The following KIF1B variants were observed in gnomAD, a reference collection of about 807,000 sequenced individuals.
KIF1B encodes the protein kinesin-like protein KIF1B.
A neutral mutation model predicts 241.9 loss-of-function variants in KIF1B; 76 were observed. The observed-to-expected ratio is 0.31, with a 90% CI of 0.26 to 0.38. The LOEUF (loss-of-function observed/expected upper bound fraction) is 0.38, where lower values mean the gene tolerates loss of function less well. Among genes scored for constraint, KIF1B ranks in the 10% least tolerant of loss-of-function variants. The pLI, the probability that KIF1B is intolerant of heterozygous loss-of-function variation, is 1.00. For synonymous variants in KIF1B, 750 were observed against 796.7 expected (o/e 0.94, Z 0.99); for missense variants, 1,622 against 2,271.4 (o/e 0.71, Z 5.81).
intron 3 of KIF1B, 152 bp downstream of exon 3, chr1:10,256,475 T>C: frequency 1.5e-6 from 1 of 676,720 alleles, no homozygotes; most frequent in Non-Finnish European, 2.7e-6. Context: ...ATATAGTATT[T>C]TCATTCATAA....
rs763161272 is a variant in KIF1B, at chr1:10,268,257, T to G, written c.714T>G (p.Thr238=). ...KKHDNETNLS[T]EKVSKISLVD... The stretch of plus-strand genomic sequence containing the variant: ...ACGATAATGAGACCAACCTTTCCAC[T>G]GAGAAGGTAGGAGAGTTTCAGTCTC... Residue 238 remains threonine, a synonymous_variant, in exon 7 of 49, where the codon ACT becomes ACG. Coordinates refer to ENST00000676179, the MANE Select transcript of KIF1B (RefSeq NM_001365951.3). 1 of 1,598,968 alleles carries G rather than the reference T, an allele frequency of 6.3e-7. No homozygotes were observed. The highest frequency in any genetic ancestry group is 8.6e-7 in the Non-Finnish European group (1 of 1,166,212).
chr1:10,219,020 A>G (rs957135456), intron 1 of KIF1B, among the ~76,000 whole-genome samples: 1 of 152,198 alleles, frequency 6.6e-6, no homozygotes, highest in Non-Finnish European at 1.5e-5. Flanking sequence ...ATTTGGAAAC[A>G]TGGAATTTAA....
intron 1 of KIF1B, among the ~76,000 whole-genome samples, chr1:10,230,151 G>T (rs1646962039): frequency 1.3e-5 from 2 of 152,112 alleles, no homozygotes; most frequent in Admixed American, 1.3e-4. Context: ...CAGTAGCCTG[G>T]ACGGGTAGGG....
At position 10,375,238 on chromosome 1, in the gene KIF1B, C is replaced by T. The variant is rs1006146098; in HGVS notation, c.5290-17C>T. On this transcript the variant is annotated splice_polypyrimidine_tract_variant and intron_variant, in intron 47 of 48. Coordinates refer to ENST00000676179, the MANE Select transcript of KIF1B (RefSeq NM_001365951.3). ...TCTCTGTAGTAACTTTCTTGTCTAC[C>T]TGCATTTTTCTTTCAGACACCAAAC... The T allele has an allele frequency of 6.2e-7, 1 of 1,603,846 alleles. No individual in the cohort carries two copies. Among genetic ancestry groups the T allele is most frequent in the Non-Finnish European group, 8.5e-7 (1 of 1,170,486 alleles).
rs140229905 is a variant in KIF1B, at chr1:10,343,235, G to A, written c.3636G>A (p.Pro1212=). Reference sequence around the variant, plus strand: ...CTTTGTCTTCCTTTCTTTGCAGTCCGCCTCAGCCGTGCCGCCGATTCTTCC... The same window carrying A: ...CTTTGTCTTCCTTTCTTTGCAGTCCACCTCAGCCGTGCCGCCGATTCTTCC... ...LHLQGQELNS[P]PQPCRRFFPP... is the part of the protein sequence containing the mutation. Residue 1212 remains proline, a synonymous_variant, in exon 34 of 49, where the codon CCG becomes CCA. Transcript: ENST00000676179. 362 of 1,614,070 alleles carry A rather than the reference G, an allele frequency of 2.2e-4. 1 individual carries two copies. In the Middle Eastern group the frequency reaches 2.5e-3, roughly 11 times the overall value.
At chr1:10,290,236 A>G (rs996846799) in intron 15 of KIF1B, among the ~76,000 whole-genome samples, 19 of 152,210 alleles carry the variant, frequency 1.2e-4, no homozygotes, top group East Asian at 1.2e-3. Flanking sequence ...TACATGTGCC[A>G]TGGTGGTTTG....
chr1:10,324,083 G>C, intron 25 of KIF1B, 21 bp downstream of exon 25: 1 of 1,612,598 alleles, frequency 6.2e-7, no homozygotes, highest in Non-Finnish European at 8.5e-7. Flanking sequence ...ATTCATAAAG[G>C]CTGGTTGTTT....
At chr1:10,360,437 C>A (rs2102343989) in intron 38 of KIF1B, among the ~76,000 whole-genome samples, 1 of 152,198 alleles carries the variant, frequency 6.6e-6, no homozygotes, top group East Asian at 1.9e-4. Context: ...GTAATCCCAG[C>A]ACTTTGGGAG....
intron 43 of KIF1B, among the ~76,000 whole-genome samples, chr1:10,368,246 TTTTG>T (rs1259380915): frequency 2.6e-5 from 4 of 152,130 alleles, no homozygotes; most frequent in Non-Finnish European, 5.9e-5. Context: ...TCATTGAGGT[TTTTG>T]TTTGTTTGTT....
At chr1:10,218,190 C>T (rs1646794074) in intron 1 of KIF1B, among the ~76,000 whole-genome samples, 1 of 152,162 alleles carries the variant, frequency 6.6e-6, no homozygotes, top group Non-Finnish European at 1.5e-5. Context: ...TTCAGTGTCC[C>T]CTCCTGCCCC....
chr1:10,348,261 G>T (rs1437690526), intron 36 of KIF1B, among the ~76,000 whole-genome samples: 1 of 152,110 alleles, frequency 6.6e-6, no homozygotes, highest in Non-Finnish European at 1.5e-5. Flanking sequence ...TTCAGTCAGT[G>T]TTCAAAAGTA....
chr1:10,368,422 G>A (rs375211141), intron 43 of KIF1B, 45 bp from the exon 44 acceptor site: 6 of 1,549,942 alleles, frequency 3.9e-6, no homozygotes, highest in South Asian at 1.1e-5. Flanking sequence ...GCTCCTGGCT[G>A]TTGACATTTT....
intron 15 of KIF1B, among the ~76,000 whole-genome samples, chr1:10,286,227 A>T (rs1413900465): frequency 6.6e-6 from 1 of 152,170 alleles, no homozygotes; most frequent in Non-Finnish European, 1.5e-5. Flanking sequence ...TTTAGTAGAG[A>T]CGGGGTTTCG....
At position 10,376,769 on chromosome 1, in the gene KIF1B, C is replaced by G; in HGVS notation, c.*182C>G. Reference sequence around the variant, plus strand: ...CATCTCCATTGCTCTGTACTCTTTTCTTTTTTCTTGTGCTGAGAATCTCGT... The same window carrying G: ...CATCTCCATTGCTCTGTACTCTTTTGTTTTTTCTTGTGCTGAGAATCTCGT... On this transcript the variant is annotated 3_prime_UTR_variant, in exon 49 of 49. Coordinates refer to ENST00000676179, the MANE Select transcript of KIF1B (RefSeq NM_001365951.3). 3.1e-6 allele frequency: 2 copies of G among 638,244 alleles called. No homozygotes were observed. The highest frequency in any genetic ancestry group is 2.9e-5 in the East Asian group (1 of 34,810). The allele number at this position is 638,244 out of a possible 1,614,324, so 39.5% of individuals were successfully genotyped here.
intron 32 of KIF1B, 68 bp downstream of exon 32, chr1:10,339,927 G>T: frequency 7.6e-7 from 1 of 1,316,286 alleles, no homozygotes; most frequent in Non-Finnish European, 1.1e-6. Context: ...AGCCCGGGAA[G>T]GGTGATAAGA....
chr1:10,237,689 A>G (rs983073682), intron 2 of KIF1B, among the ~76,000 whole-genome samples: 2 of 152,142 alleles, frequency 1.3e-5, no homozygotes, highest in Non-Finnish European at 2.9e-5. Context: ...AACTGATACA[A>G]ATAATGATTT....
Position 10,337,340 on chromosome 1 carries a change from A to G in KIF1B, c.3260-31A>G. 6.2e-7 allele frequency: 1 copy of G among 1,614,084 alleles called. No individual in the cohort carries two copies. The highest frequency in any genetic ancestry group is 8.5e-7 in the Non-Finnish European group (1 of 1,179,934). ...ACTCCCTCCTCTTTGCATTATTTGA[A>G]CCATCTGTGTCTTCATTTGACCCTC... On this transcript the variant is annotated intron_variant, in intron 30 of 48. Coordinates refer to ENST00000676179, the MANE Select transcript of KIF1B (RefSeq NM_001365951.3). This position sits in a 1 kb window ranked among gnomAD's most constrained non-coding sequence, Gnocchi z 4.0.
chr1:10,371,618 T>C (rs958293168), intron 45 of KIF1B, among the ~76,000 whole-genome samples: 1 of 152,228 alleles, frequency 6.6e-6, no homozygotes, highest in African/African-American at 2.4e-5. Context: ...GAAAAAAATA[T>C]TTTGATTCCA....
intron 22 of KIF1B, among the ~76,000 whole-genome samples, chr1:10,309,955 A>G (rs1192019044): frequency 6.6e-6 from 1 of 151,060 alleles, no homozygotes; most frequent in Non-Finnish European, 1.5e-5. Context: ...TGCACTTCTC[A>G]AGCCTGGAGC....
Sources: allele counts gnomAD v4.1 joint callset (sites outside exome capture counted in the v4.1 genomes callset), GRCh38; gene constraint gnomAD v4.1.1; non-coding constraint Gnocchi (gnomAD v3.1); transcripts MANE v1.5; gene names NCBI Gene and HGNC (gene_info 2026-07-23, HGNC 2026-07-21).